Variants in LMBR1 observed in about 807,000 individuals in gnomAD.
LMBR1 encodes the protein limb development membrane protein 1, also known as limb region 1 protein homolog.
A neutral mutation model predicts 73.9 loss-of-function variants in LMBR1; 52 were observed. The observed-to-expected ratio is 0.70, with a 90% CI of 0.56 to 0.89. The LOEUF (loss-of-function observed/expected upper bound fraction) is 0.89, where lower values mean the gene tolerates loss of function less well. LMBR1 is among the 40% of genes least tolerant of loss of function. The pLI is 0.00. For synonymous variants in LMBR1, 215 were observed against 209.4 expected (o/e 1.03, Z -0.23); for missense variants, 539 against 579.8 (o/e 0.93, Z 0.72).
intron 5 of LMBR1, among the ~76,000 whole-genome samples, chr7:156,775,205 G>C (rs117276956): frequency 3.3e-5 from 5 of 151,546 alleles, no homozygotes; most frequent in Non-Finnish European, 7.4e-5. Context: ...CCATCTCTAC[G>C]GAAAATTCAA....
chr7:156,819,151 T>C (rs1253826110), intron 4 of LMBR1, among the ~76,000 whole-genome samples: 1 of 152,264 alleles, frequency 6.6e-6, no homozygotes, highest in Non-Finnish European at 1.5e-5. Context: ...TGACACAGTT[T>C]ACTAAGGTTA....
At chr7:156,673,548 C>T (rs547711882), downstream of LMBR1, among the ~76,000 whole-genome samples, 5 of 152,274 alleles carry the variant, frequency 3.3e-5, no homozygotes, top group East Asian at 7.7e-4. Flanking sequence ...GAATTTGACT[C>T]ATAAATAGAA....
intron 1 of LMBR1, among the ~76,000 whole-genome samples, chr7:156,848,343 A>G (rs536513797): frequency 7.2e-5 from 11 of 152,350 alleles, no homozygotes; most frequent in African/African-American, 2.4e-4. Context: ...CAAAGGTCTA[A>G]TAAAAGCAAC....
intron 1 of LMBR1, among the ~76,000 whole-genome samples, chr7:156,842,031 G>A (rs1026381462): frequency 6.9e-6 from 1 of 144,156 alleles, no homozygotes; most frequent in African/African-American, 2.5e-5. Flanking sequence ...GAACAAGGAG[G>A]AGACAGAATA....
intron 1 of LMBR1, among the ~76,000 whole-genome samples, chr7:156,884,246 A>T (rs951313109): frequency 1.2e-4 from 18 of 152,178 alleles, no homozygotes; most frequent in Non-Finnish European, 2.4e-4. Flanking sequence ...TAAACTGGCT[A>T]ACAACTCAGA....
intron 4 of LMBR1, among the ~76,000 whole-genome samples, chr7:156,672,746 G>A (rs1002165878): frequency 2.6e-5 from 4 of 152,164 alleles, no homozygotes; most frequent in Non-Finnish European, 5.9e-5. Flanking sequence ...TATGTGGCCC[G>A]CACACTTACT....
In LMBR1 at chr7:156,741,251, T is replaced by C. The variant is rs753517006; in HGVS notation, c.758-6994A>G. 7.2e-5 allele frequency among the ~76,000 whole-genome samples: 11 copies of C among 152,134 alleles called. 1 individual carries two copies. The South Asian group carries it at 8.3e-4, about 11-fold the overall frequency. On this transcript the variant is annotated intron_variant, in intron 9 of 16. Coordinates refer to ENST00000353442, the MANE Select transcript of LMBR1 (RefSeq NM_022458.4). ...ACAGGAAGGAAAGAAGAGAAGACTA[T>C]ACAAAACAACCAGAAAAGAAGTAAC...
At chr7:156,751,991 T>C (rs572669788) in intron 9 of LMBR1, among the ~76,000 whole-genome samples, 9 of 151,830 alleles carry the variant, frequency 5.9e-5, no homozygotes, top group African/African-American at 1.7e-4. Flanking sequence ...TAAAAGCAAA[T>C]AGAGAATTTT....
chr7:156,733,469 A>G (rs1817260712), intron 10 of LMBR1, among the ~76,000 whole-genome samples: 1 of 152,176 alleles, frequency 6.6e-6, no homozygotes, highest in South Asian at 2.1e-4. Context: ...AGGCCCAAAC[A>G]GGCCCCCAGA....
At chr7:156,705,496 T>C (rs1393739511) in intron 15 of LMBR1, among the ~76,000 whole-genome samples, 1 of 152,048 alleles carries the variant, frequency 6.6e-6, no homozygotes, top group East Asian at 1.9e-4. Context: ...GAGGTAGAGG[T>C]TGCAGTGAGC....
intron 9 of LMBR1, among the ~76,000 whole-genome samples, chr7:156,753,305 T>C (rs912562567): frequency 1.3e-5 from 2 of 151,656 alleles, no homozygotes; most frequent in Non-Finnish European, 2.9e-5. Flanking sequence ...AGAAAAGGCC[T>C]GGGAGGTGAG....
chr7:156,697,386 G>A (rs1359168344), intron 15 of LMBR1, among the ~76,000 whole-genome samples: 1 of 152,158 alleles, frequency 6.6e-6, no homozygotes, highest in Non-Finnish European at 1.5e-5. Flanking sequence ...GGGTTCGAGA[G>A]CAGAGAACTG....
rs904059102 is a variant in LMBR1 at position 156,681,886 on chromosome 7, T to C, written c.*2192A>G. 1.3e-5 allele frequency: 2 copies of C among 152,310 alleles called. No individual in the cohort carries two copies. The highest frequency in any genetic ancestry group is 4.8e-5 in the African/African-American group (2 of 41,470). 9.4% of individuals were successfully genotyped at this position (152,310 alleles called of 1,614,324 possible). A position where few individuals can be genotyped will look rare whatever the true frequency, so the allele number is the denominator to read the frequency against. On this transcript the variant is annotated 3_prime_UTR_variant, in exon 17 of 17. Coordinates refer to ENST00000353442, the MANE Select transcript of LMBR1 (RefSeq NM_022458.4). ...GCATCCATTTCTGGAGTTCGTCATA[T>C]AAAGCAGCCTCCGACCTAGCTCCAA...
intron 8 of LMBR1, among the ~76,000 whole-genome samples, chr7:156,759,189 A>G (rs1450081759): frequency 1.3e-5 from 2 of 152,262 alleles, no homozygotes; most frequent in African/African-American, 4.8e-5. Flanking sequence ...TGGGGAGACA[A>G]AAGTTTCGAC....
At chr7:156,813,023 T>C (rs995196194) in intron 4 of LMBR1, among the ~76,000 whole-genome samples, 1 of 152,256 alleles carries the variant, frequency 6.6e-6, no homozygotes, top group Non-Finnish European at 1.5e-5. Flanking sequence ...GGAGGGTATA[T>C]ATCCAGTCCA....
chr7:156,681,841 C>T lies in LMBR1; in HGVS notation c.*2237G>A, dbSNP rs371502278. The stretch of plus-strand genomic sequence containing the variant: ...CGACTGTCCTTACCAGGACTCAGAA[C>T]GTTTGGCCTCCGTATTCTGGCATCC... On this transcript the variant is annotated 3_prime_UTR_variant, in exon 17 of 17. Transcript: ENST00000353442. 2 of 152,280 alleles carry T rather than the reference C, an allele frequency of 1.3e-5. No homozygotes were observed. Among genetic ancestry groups the T allele is most frequent in the African/African-American group, 2.4e-5 (1 of 41,470 alleles). 9.4% of individuals were successfully genotyped at this position (152,280 alleles called of 1,614,324 possible). A position where few individuals can be genotyped will look rare whatever the true frequency, so the allele number is the denominator to read the frequency against.
intron 15 of LMBR1, among the ~76,000 whole-genome samples, chr7:156,696,315 G>A (rs554263055): frequency 6.6e-6 from 1 of 152,156 alleles, no homozygotes; most frequent in Non-Finnish European, 1.5e-5. Context: ...CATATATTTT[G>A]ATAAAGAACT....
At chr7:156,802,539 T>A (rs1409268781) in intron 4 of LMBR1, among the ~76,000 whole-genome samples, 2 of 152,164 alleles carry the variant, frequency 1.3e-5, no homozygotes, top group Non-Finnish European at 2.9e-5. Flanking sequence ...CAGAATTAAT[T>A]CTCAATTGTC....
At chr7:156,884,618 AC>A (rs1248708694) in intron 1 of LMBR1, among the ~76,000 whole-genome samples, 1 of 152,072 alleles carries the variant, frequency 6.6e-6, no homozygotes, top group Non-Finnish European at 1.5e-5. Flanking sequence ...TTCCCAAACT[AC>A]CTAGTAGAAG....
Sources: allele counts gnomAD v4.1 joint callset (sites outside exome capture counted in the v4.1 genomes callset), GRCh38; gene constraint gnomAD v4.1.1; transcripts MANE v1.5; gene names NCBI Gene and HGNC (gene_info 2026-07-23, HGNC 2026-07-21).